CHMP4C: variants seen among roughly 807,000 people sequenced by gnomAD.
The protein encoded by CHMP4C is SNF7 homolog associated with Alix 3.
In CHMP4C, 28 loss-of-function variants were observed where a neutral mutation model predicts 29.0. That is an observed-to-expected ratio of 0.97 (90% CI 0.72 to 1.32). The LOEUF is 1.32. CHMP4C is among the 40% of genes most tolerant of loss of function. The pLI, the probability that CHMP4C is intolerant of heterozygous loss-of-function variation, is 0.00. For missense variants in CHMP4C, 291 were observed against 281.0 expected, an observed-to-expected ratio of 1.04 and a Z score of -0.25; for synonymous variants, 106 against 102.4, an observed-to-expected ratio of 1.04 and a Z score of -0.21.
intron 1 of CHMP4C, among the ~76,000 whole-genome samples, chr8:81,749,068 G>A (rs1166641381): frequency 4.6e-5 from 7 of 151,734 alleles, no homozygotes; most frequent in African/African-American, 7.3e-5. Flanking sequence ...TTATAATCAC[G>A]CAGCCTGATA....
At chr8:81,745,596 C>A (rs1026824779) in intron 1 of CHMP4C, among the ~76,000 whole-genome samples, 4 of 152,158 alleles carry the variant, frequency 2.6e-5, no homozygotes, top group African/African-American at 7.2e-5. Context: ...AGTGGAGTTG[C>A]ATAGGAATAG....
At chr8:81,747,543 T>C (rs1585944682) in intron 1 of CHMP4C, among the ~76,000 whole-genome samples, 1 of 152,124 alleles carries the variant, frequency 6.6e-6, no homozygotes, top group East Asian at 1.9e-4. Flanking sequence ...GTTGTACCTA[T>C]TGAAATGTAG....
intron 1 of CHMP4C, 64 bp from the exon 2 acceptor site, chr8:81,753,000 C>G (rs1358686541): frequency 7.1e-7 from 1 of 1,416,962 alleles, no homozygotes; most frequent in East Asian, 2.3e-5. Flanking sequence ...TGGTGCTGAG[C>G]AAACATCTCT....
chr8:81,755,233 A>G, intron 2 of CHMP4C, 137 bp from the exon 3 acceptor site: 2 of 420,466 alleles, frequency 4.8e-6, no homozygotes, highest in Non-Finnish European at 8.4e-6. Flanking sequence ...AAGTTTATAA[A>G]TATCATCAGG....
At chr8:81,740,237 G>A (rs776983167) in intron 1 of CHMP4C, among the ~76,000 whole-genome samples, 1 of 152,170 alleles carries the variant, frequency 6.6e-6, no homozygotes, top group Non-Finnish European at 1.5e-5. Context: ...AACCCTTTTG[G>A]CACCAGGGAC....
intron 1 of CHMP4C, among the ~76,000 whole-genome samples, chr8:81,737,279 C>T (rs1029367666): frequency 1.3e-5 from 2 of 152,180 alleles, no homozygotes; most frequent in South Asian, 4.1e-4. Context: ...GGGGATCAGG[C>T]ATCTGTTTTT....
chr8:81,750,718 T>A (rs966062072), intron 1 of CHMP4C, among the ~76,000 whole-genome samples: 1 of 151,810 alleles, frequency 6.6e-6, no homozygotes, highest in Admixed American at 6.6e-5. Flanking sequence ...ATTGTATATA[T>A]AATTAAATAA....
chr8:81,755,162 G>A (rs944028700), intron 2 of CHMP4C, among the ~76,000 whole-genome samples: 4 of 151,832 alleles, frequency 2.6e-5, no homozygotes, highest in African/African-American at 9.7e-5. Flanking sequence ...AATGTAATAG[G>A]TATTTACTTA....
intron 1 of CHMP4C, among the ~76,000 whole-genome samples, chr8:81,738,196 G>A (rs1015892057): frequency 4.6e-5 from 7 of 152,190 alleles, no homozygotes; most frequent in Non-Finnish European, 7.3e-5. Flanking sequence ...ATGTAAATAT[G>A]TGAAAATGAG....
chr8:81,732,832 GC>G lies in CHMP4C; in HGVS notation c.190+19del, dbSNP rs1019477524. 7.5e-6 allele frequency: 12 copies of G among 1,605,966 alleles called. No individual in the cohort carries two copies. In the Admixed American group the frequency reaches 1.0e-4, roughly 14 times the overall value. ...AATAAGCGAGGTAGGCTGGGGTCTG[GC>G]CCACAGGCGGGAGCCCATCTGCCTC... On this transcript the variant is annotated intron_variant, in intron 1 of 4. Coordinates refer to ENST00000297265, the MANE Select transcript of CHMP4C (RefSeq NM_152284.4).
intron 3 of CHMP4C, 80 bp downstream of exon 3, chr8:81,755,564 C>A: frequency 1.4e-6 from 1 of 697,054 alleles, no homozygotes; most frequent in South Asian, 2.1e-5. Flanking sequence ...AGGCATGTTC[C>A]CTTACTACTG....
intron 1 of CHMP4C, among the ~76,000 whole-genome samples, chr8:81,742,254 T>C (rs1808769999): frequency 6.6e-6 from 1 of 152,128 alleles, no homozygotes; most frequent in Non-Finnish European, 1.5e-5. Context: ...TGACTTAAAA[T>C]ACCAACACTG....
At chr8:81,758,002 A>C (rs1808991755) in intron 3 of CHMP4C, 140 bp from the exon 4 acceptor site, 2 of 774,288 alleles carry the variant, frequency 2.6e-6, no homozygotes, top group Non-Finnish European at 4.2e-6. Flanking sequence ...GTTGCAAAAA[A>C]GACTTAGTTT....
chr8:81,736,835 T>C (rs779433367), intron 1 of CHMP4C, among the ~76,000 whole-genome samples: 13 of 152,226 alleles, frequency 8.5e-5, no homozygotes, highest in Admixed American at 2.0e-4. Context: ...TAATAATGTA[T>C]ATGCAGAATT....
intron 3 of CHMP4C, among the ~76,000 whole-genome samples, chr8:81,757,608 C>T (rs1030528673): frequency 6.6e-6 from 1 of 152,214 alleles, no homozygotes; most frequent in Non-Finnish European, 1.5e-5. Context: ...ATACAGTATA[C>T]CTATCTTGAA....
intron 1 of CHMP4C, among the ~76,000 whole-genome samples, chr8:81,743,798 TTTAGAATAAGGAGCATC>T (rs1808791969): frequency 1.3e-5 from 2 of 152,198 alleles, no homozygotes; most frequent in African/African-American, 4.8e-5. Context: ...CCTCAAGCTC[TTTAGAATAAGGAGCATC>T]ATTTCTGTTG....
chr8:81,745,052 T>G (rs1236772555), intron 1 of CHMP4C, among the ~76,000 whole-genome samples: 13 of 152,224 alleles, frequency 8.5e-5, no homozygotes, highest in Admixed American at 8.5e-4. Flanking sequence ...TCTATGATGA[T>G]GCTTATTCAG....
intron 1 of CHMP4C, among the ~76,000 whole-genome samples, chr8:81,750,252 C>T (rs1483077795): frequency 1.3e-5 from 2 of 151,846 alleles, no homozygotes; most frequent in Non-Finnish European, 2.9e-5. Context: ...TAGCTGAAGA[C>T]TAAATTAGTG....
intron 3 of CHMP4C, among the ~76,000 whole-genome samples, chr8:81,756,654 C>T (rs935022343): frequency 2.0e-5 from 3 of 151,906 alleles, no homozygotes; most frequent in Non-Finnish European, 4.4e-5. Flanking sequence ...GTGTTTGGTA[C>T]CTAAAGGATG....
Sources: allele counts gnomAD v4.1 joint callset (sites outside exome capture counted in the v4.1 genomes callset), GRCh38; gene constraint gnomAD v4.1.1; transcripts MANE v1.5; gene names NCBI Gene and HGNC (gene_info 2026-07-23, HGNC 2026-07-21).